The following SEC14L1 variants were observed in gnomAD, a reference collection of about 807,000 sequenced individuals.
SEC14L1 encodes SEC14 like lipid binding 1, also known as SEC14-like protein 1.
A neutral mutation model predicts 85.3 loss-of-function variants in SEC14L1; 48 were observed. The observed-to-expected ratio is 0.56, with a 90% confidence interval of 0.45 to 0.72. The LOEUF (loss-of-function observed/expected upper bound fraction) is 0.72. Among genes scored for constraint, SEC14L1 ranks in the 30% least tolerant of loss-of-function variants. SEC14L1 has a pLI of 0.00. For missense variants in SEC14L1, 682 were observed against 921.4 expected (o/e 0.74, Z 3.36); for synonymous variants, 391 against 355.5 (o/e 1.10, Z -1.12).
At chr17:77,203,878 C>T (rs1192156723) in intron 10 of SEC14L1, among the ~76,000 whole-genome samples, 3 of 152,186 alleles carry the variant, frequency 2.0e-5, no homozygotes, top group African/African-American at 7.2e-5. Context: ...TCAGGGTCTC[C>T]CCCGAGATGC....
At chr17:77,186,792 T>C (rs776303779) in intron 3 of SEC14L1, among the ~76,000 whole-genome samples, 1 of 152,202 alleles carries the variant, frequency 6.6e-6, no homozygotes, top group Non-Finnish European at 1.5e-5. Flanking sequence ...CATCAGGGAA[T>C]TGCTGCCAGA....
intron 3 of SEC14L1, among the ~76,000 whole-genome samples, chr17:77,170,350 C>T (rs886548888): frequency 4.6e-5 from 7 of 152,046 alleles, no homozygotes; most frequent in African/African-American, 9.7e-5. Flanking sequence ...TCCTGACTGC[C>T]GTTTCAGTTT....
At position 77,213,517 on chromosome 17, in the gene SEC14L1, G is replaced by C; in HGVS notation, c.2042+25G>C. 1 of 1,602,398 alleles carries C rather than the reference G, an allele frequency of 6.2e-7. No individual in the cohort carries two copies. The highest frequency in any genetic ancestry group is 8.5e-7 in the Non-Finnish European group (1 of 1,179,764). On this transcript the variant is annotated intron_variant, in intron 16 of 16. Coordinates refer to ENST00000436233, the MANE Select transcript of SEC14L1 (RefSeq NM_001143998.2). This position sits in a 1 kb window ranked among gnomAD's most constrained non-coding sequence, Gnocchi z 7.1. ...GGTGCGGCCACCCTCGCCACAGCAG[G>C]TGCTGCGGACAGCTGGGCATGGTTG...
At chr17:77,192,404 A>G (rs1438067676) in intron 5 of SEC14L1, among the ~76,000 whole-genome samples, 1 of 152,164 alleles carries the variant, frequency 6.6e-6, no homozygotes, top group Non-Finnish European at 1.5e-5. Context: ...GAGTGTTTCC[A>G]CAGTTCGCCC....
At chr17:77,089,302 G>A (rs755154200) in intron 2 of SEC14L1, 1 of 488,490 alleles carries the variant, frequency 2.0e-6, no homozygotes, top group East Asian at 5.9e-5. Flanking sequence ...AAGTGTTCAG[G>A]TCAGACGGTC....
At chr17:77,160,831 A>C (rs1974024358) in intron 3 of SEC14L1, among the ~76,000 whole-genome samples, 1 of 151,804 alleles carries the variant, frequency 6.6e-6, no homozygotes, top group Non-Finnish European at 1.5e-5. Flanking sequence ...TTTTGTGGAC[A>C]ACAAATAATA....
chr17:77,214,835 C>G lies in SEC14L1; in HGVS notation c.*812C>G. 2 of 985,590 alleles carry G rather than the reference C, an allele frequency of 2.0e-6. No homozygotes were observed. Among genetic ancestry groups the G allele is most frequent in the Non-Finnish European group, 2.4e-6 (2 of 830,018 alleles). The allele number at this position is 985,590 out of a possible 1,614,324, so 61.1% of individuals were successfully genotyped here. On this transcript the variant is annotated 3_prime_UTR_variant, in exon 17 of 17. Coordinates refer to ENST00000436233, the MANE Select transcript of SEC14L1 (RefSeq NM_001143998.2). ...CCTCTCACCTGCAGTCAGCTCCCAG[C>G]CCAGTGTAGGCCATCTCCTCTGTGC... is the stretch of plus-strand genomic sequence containing the variant.
intron 3 of SEC14L1, among the ~76,000 whole-genome samples, chr17:77,160,805 A>G (rs1156252463): frequency 1.3e-5 from 2 of 150,816 alleles, no homozygotes; most frequent in African/African-American, 2.5e-5. Context: ...CTATCAGCAC[A>G]TGGTTAGCTT....
intron 3 of SEC14L1, among the ~76,000 whole-genome samples, chr17:77,128,836 C>A (rs1246463020): frequency 6.6e-6 from 1 of 152,078 alleles, no homozygotes; most frequent in East Asian, 1.9e-4. Context: ...AGCCAGATGA[C>A]CATCTCCCCA....
At chr17:77,200,291 T>TC (rs1976063679) in intron 8 of SEC14L1, among the ~76,000 whole-genome samples, 193 bp from the exon 9 acceptor site, 1 of 152,028 alleles carries the variant, frequency 6.6e-6, no homozygotes, top group Admixed American at 6.6e-5. Context: ...TGCTTCAGCC[T>TC]CCGAGTAGCT....
intron 3 of SEC14L1, among the ~76,000 whole-genome samples, chr17:77,188,277 A>G (rs1598366718): frequency 6.6e-6 from 1 of 152,022 alleles, no homozygotes; most frequent in African/African-American, 2.4e-5. Context: ...TGGCCCTTTT[A>G]CAGCCACACC....
chr17:77,211,880 C>G, intron 14 of SEC14L1, 70 bp from the exon 15 acceptor site: 1 of 1,577,388 alleles, frequency 6.3e-7, no homozygotes, highest in Non-Finnish European at 8.6e-7. Context: ...CCCTGGAGAG[C>G]ACGATGCGCT....
intron 3 of SEC14L1, among the ~76,000 whole-genome samples, chr17:77,185,754 C>T (rs999037684): frequency 1.3e-5 from 2 of 151,782 alleles, no homozygotes; most frequent in Admixed American, 6.6e-5. Flanking sequence ...TTTCAGTGTC[C>T]GTATAGAACA....
At chr17:77,192,354 G>A (rs1277789464) in intron 5 of SEC14L1, among the ~76,000 whole-genome samples, 2 of 152,136 alleles carry the variant, frequency 1.3e-5, no homozygotes, top group South Asian at 2.1e-4. Flanking sequence ...TCTATTTAAA[G>A]TATGTCAGAT....
At chr17:77,193,659 G>A (rs1975653647) in intron 6 of SEC14L1, 110 bp downstream of exon 6, 1 of 1,168,250 alleles carries the variant, frequency 8.6e-7, no homozygotes, top group Non-Finnish European at 1.2e-6. Context: ...CATTTCTTGG[G>A]TGGAAGATGC....
intron 3 of SEC14L1, chr17:77,094,876 G>A (rs1450685071): frequency 6.6e-6 from 1 of 152,214 alleles, no homozygotes; most frequent in Admixed American, 6.5e-5. Context: ...GTCTTTAGAG[G>A]AAGGAAATGT....
chr17:77,129,746 G>T (rs1458800346), intron 3 of SEC14L1, among the ~76,000 whole-genome samples: 1 of 152,120 alleles, frequency 6.6e-6, no homozygotes, highest in Non-Finnish European at 1.5e-5. Context: ...ATGGATTGAG[G>T]CTGCTTGACT....
intron 3 of SEC14L1, among the ~76,000 whole-genome samples, chr17:77,179,687 T>C (rs1974923871): frequency 6.6e-6 from 1 of 152,184 alleles, no homozygotes; most frequent in Admixed American, 6.5e-5. Context: ...TTTTTTCTTT[T>C]TTTTTGAGAT....
chr17:77,164,163 G>A (rs551446702), intron 3 of SEC14L1, among the ~76,000 whole-genome samples: 2 of 152,312 alleles, frequency 1.3e-5, no homozygotes, highest in Middle Eastern at 3.4e-3. Flanking sequence ...TGGCTGCCTC[G>A]CCTGCTGACA....
Sources: gnomAD v4.1 joint callset for allele counts (sites outside exome capture counted in the v4.1 genomes callset) on GRCh38, gnomAD v4.1.1 for gene constraint, Gnocchi (gnomAD v3.1) non-coding constraint, MANE v1.5 for transcripts, NCBI Gene and HGNC (gene_info 2026-07-23, HGNC 2026-07-21) for gene names.